TTN: variants seen among roughly 807,000 people sequenced by gnomAD.
TTN encodes the protein connectin.
Under a neutral mutation model 3,223.0 loss-of-function variants are expected in TTN, and 1,525 were observed. The observed-to-expected ratio is 0.47, with a 90% CI of 0.45 to 0.49. The LOEUF is 0.49. Among genes scored for constraint, TTN ranks in the 20% least tolerant of loss-of-function variants. The pLI is 0.00. For synonymous variants in TTN, 14,094 were observed against 15,161.0 expected (o/e 0.93, Z 5.17); for missense variants, 40,786 against 43,424.0 (o/e 0.94, Z 5.40).
chr2:178,575,839 T>C lies in TTN; in HGVS notation c.70293A>G (p.Arg23431=). The C allele has an allele frequency of 2.5e-6, 4 of 1,613,590 alleles. No individual in the cohort carries two copies. The highest frequency in any genetic ancestry group is 3.4e-6 in the Non-Finnish European group (4 of 1,179,624). ...AGKKSGFVNV[R]VLDTPGPVLN... ...GGACTGGGCCTGGCGTGTCCAAGAC[T>C]CTGACGTTCACAAAGCCACTTTTCT... Residue 23431 remains arginine, a synonymous_variant, in exon 326 of 363, where the codon AGA becomes AGG. Transcript: ENST00000589042. The surrounding 1 kb of genome is among the most constrained non-coding windows in gnomAD (Gnocchi z 4.0).
chr2:178,759,725 A>C (rs571599364), intron 43 of TTN, among the ~76,000 whole-genome samples: 113 of 152,372 alleles, frequency 7.4e-4, no homozygotes, highest in African/African-American at 2.5e-3. Flanking sequence ...AAAAGGTTTC[A>C]GTACGCAGTA....
At position 178,617,125 on chromosome 2, in the gene TTN, G is replaced by A. The variant is rs781533540; in HGVS notation, c.47870C>T (p.Ala15957Val). The A allele has an allele frequency of 6.2e-7, 1 of 1,610,032 alleles. No individual in the cohort carries two copies. The highest frequency in any genetic ancestry group is 2.3e-5 in the East Asian group (1 of 44,440). Reference protein sequence around the residue: ...EILGPLTADDAFVEPTMDLSA... With the variant: ...EILGPLTADDVFVEPTMDLSA... ...AAAATAAAATATCTATTTACCAAATGCATCGTCAGCGGTGAGAGGACCAAG... is the reference window on the plus strand; with the variant it reads ...AAAATAAAATATCTATTTACCAAATACATCGTCAGCGGTGAGAGGACCAAG... Residue 15957 changes from alanine (A) to valine (V), a missense_variant, in exon 255 of 363, where the codon GCA becomes GTA. Physicochemically the swap from Ala to Val is moderately conservative, Grantham distance 64 (BLOSUM62 0). Transcript: ENST00000589042.
At chr2:178,686,426 A>AC (rs2070939327) in intron 127 of TTN, among the ~76,000 whole-genome samples, 1 of 47,210 alleles carries the variant, frequency 2.1e-5, no homozygotes, top group Admixed American at 2.3e-4. Flanking sequence ...GGCCAGTTTT[A>AC]ATTTTTTTTA....
Position 178,712,119 on chromosome 2 carries a change from G to C in TTN, c.27711C>G (p.Ser9237=), listed in dbSNP as rs727504749. 1.2e-6 allele frequency: 2 copies of C among 1,613,696 alleles called. No homozygotes were observed. The highest frequency in any genetic ancestry group is 1.7e-6 in the Non-Finnish European group (2 of 1,179,782). ...QLAGTPEIGV[S]WYKGDTKLRP... ...TCAATTTTGTATCTCCTTTATACCAGGATACCCCAATTTCAGGGGTTCCAG... is the reference window on the plus strand; with the variant it reads ...TCAATTTTGTATCTCCTTTATACCACGATACCCCAATTTCAGGGGTTCCAG... The change falls in exon 96 of 363, where the codon TCC becomes TCG. Residue 9237 remains serine (S), a synonymous_variant. Coordinates refer to ENST00000589042, the MANE Select transcript of TTN (RefSeq NM_001267550.2).
rs375061478 is a variant in TTN at position 178,671,131 on chromosome 2, G to T, written c.35267C>A (p.Pro11756Gln). ...ISEKIIPPKK[P>Q]PTKVVPRKEP... Reference sequence around the variant, plus strand: ...TTTTCGAGGAACAACTTTAGTGGGCGGTTTTTTTGGAGGGATGATTTTCTC... The same window carrying T: ...TTTTCGAGGAACAACTTTAGTGGGCTGTTTTTTTGGAGGGATGATTTTCTC... Residue 11756 changes from proline to glutamine, a missense_variant, in exon 156 of 363, where the codon CCG becomes CAG. Pro to Gln is a moderately conservative substitution (Grantham distance 76, BLOSUM62 -1). Coordinates refer to ENST00000589042, the MANE Select transcript of TTN (RefSeq NM_001267550.2). The T allele has an allele frequency of 6.2e-6, 10 of 1,603,350 alleles. No homozygotes were observed. In the East Asian group the frequency reaches 1.8e-4, roughly 29 times the overall value.
chr2:178,620,121 G>C lies in TTN; in HGVS notation c.46305-9C>G. On this transcript the variant is annotated splice_polypyrimidine_tract_variant and intron_variant, in intron 248 of 362. Coordinates refer to ENST00000589042, the MANE Select transcript of TTN (RefSeq NM_001267550.2). ...CTTTTTCAAATTTGTATCTAAAGGA[G>C]ACATTGGATTATCAGTTAGCTTGCA... 6.2e-7 allele frequency: 1 copy of C among 1,606,124 alleles called. No individual in the cohort carries two copies. Among genetic ancestry groups the C allele is most frequent in the Admixed American group, 1.7e-5 (1 of 58,698 alleles).
In TTN at chr2:178,777,780, A is replaced by G. The variant is rs1432023325; in HGVS notation, c.4404T>C (p.Cys1468=). ...VFVLKPVSFK[C]LEGQTARFDL... ...CAAATCTGGCAGTTTGCCCTTCTAAACATTTGAAAGAAACAGGTTTTAACA... is the reference window on the plus strand; with the variant it reads ...CAAATCTGGCAGTTTGCCCTTCTAAGCATTTGAAAGAAACAGGTTTTAACA... The change falls in exon 25 of 363, where the codon TGT becomes TGC. Residue 1468 remains cysteine, a synonymous_variant. Coordinates refer to ENST00000589042, the MANE Select transcript of TTN (RefSeq NM_001267550.2). 1 of 1,614,054 alleles carries G rather than the reference A, an allele frequency of 6.2e-7. No individual in the cohort carries two copies.
intron 114 of TTN, 30 bp from the exon 115 acceptor site, chr2:178,695,440 A>T (rs922855174): frequency 1.3e-6 from 2 of 1,572,430 alleles, no homozygotes; most frequent in Admixed American, 3.3e-5. Context: ...ATAAGAAGGG[A>T]TGCTTAAATA....
chr2:178,698,929 AAAGAAAAAAAAAG>A lies in TTN; in HGVS notation c.30683-28_30683-16del, dbSNP rs764830728. On this transcript the variant is annotated splice_polypyrimidine_tract_variant and intron_variant, in intron 111 of 362. Coordinates refer to ENST00000589042, the MANE Select transcript of TTN (RefSeq NM_001267550.2). ...CTTTTTGGTAACTAAAAAAAAAAAAAAAGAAAAAAAAAGAAAAAATATTTCTGGTGTAAGTAAC... is the reference window on the plus strand; with the variant it reads ...CTTTTTGGTAACTAAAAAAAAAAAAAAAAAAATATTTCTGGTGTAAGTAAC... 1,551 of 1,491,798 alleles carry A rather than the reference AAAGAAAAAAAAAG, an allele frequency of 1.0e-3. 4 individuals are homozygous for A. The highest frequency in any genetic ancestry group is 9.9e-3 in the South Asian group (727 of 73,332). 92.4% of individuals were successfully genotyped at this position (1,491,798 alleles called of 1,614,324 possible).
Position 178,548,505 on chromosome 2 carries a change from G to C in TTN, c.93121C>G (p.Leu31041Val). 1 of 1,613,868 alleles carries C rather than the reference G, an allele frequency of 6.2e-7. No homozygotes were observed. Among genetic ancestry groups the C allele is most frequent in the Non-Finnish European group, 8.5e-7 (1 of 1,179,820 alleles). The change falls in exon 339 of 363, where the codon CTT becomes GTT. Residue 31041 changes from leucine (L) to valine (V), a missense_variant. Transcript: ENST00000589042. The surrounding 1 kb of genome is among the most constrained non-coding windows in gnomAD (Gnocchi z 4.3). ...GSATLMWDAP[L>V]LDGGARIHHY... The stretch of plus-strand genomic sequence containing the variant: ...TGGATTCGGGCACCACCGTCAAGAA[G>C]AGGGGCATCCCACATCAATGTAGCA...
chr2:178,775,948 T>A lies in TTN; in HGVS notation c.5916A>T (p.Glu1972Asp), dbSNP rs748026305. ...TTTTCAACTTCACAACTTCTTTGGT[T>A]TCAGTGGTGTCAACAGGTCTATCCA... Reference protein sequence around the residue: ...QKVDRPVDTTETKEVVKLKRA... With the variant: ...QKVDRPVDTTDTKEVVKLKRA... The change falls in exon 28 of 363, where the codon GAA becomes GAT. Residue 1972 changes from glutamate to aspartate, a missense_variant. Glu to Asp is a conservative substitution (Grantham distance 45). Coordinates refer to ENST00000589042, the MANE Select transcript of TTN (RefSeq NM_001267550.2). The A allele has an allele frequency of 2.5e-6, 4 of 1,614,148 alleles. No individual in the cohort carries two copies. The East Asian group carries it at 8.9e-5, about 36-fold the overall frequency.
At chr2:178,619,495 T>C (rs2057943693) in intron 250 of TTN, 126 bp downstream of exon 250, 1 of 1,225,932 alleles carries the variant, frequency 8.2e-7, no homozygotes, top group Non-Finnish European at 1.1e-6. Flanking sequence ...ATTAGAGTTG[T>C]TAACATGTGG....
intron 96 of TTN, 57 bp from the exon 97 acceptor site, chr2:178,711,406 A>G (rs2076633971): frequency 6.7e-7 from 1 of 1,484,624 alleles, no homozygotes; most frequent in South Asian, 1.4e-5. Context: ...CTCTTCTCAC[A>G]ATTATATATA....
chr2:178,698,709 C>A (rs1369311178), intron 112 of TTN, 134 bp downstream of exon 112: 1 of 811,000 alleles, frequency 1.2e-6, no homozygotes, highest in African/African-American at 1.8e-5. Context: ...AAGACGAGGG[C>A]GAAAGTGAGT....
chr2:178,757,227 A>ATACTGCACTTACTTTAAGTACAGTAAG (rs1553968975), intron 45 of TTN, among the ~76,000 whole-genome samples: 1 of 150,194 alleles, frequency 6.7e-6, no homozygotes, highest in Admixed American at 6.6e-5. Flanking sequence ...ACAGTAAGTA[A>ATACTGCACTTACTTTAAGTACAGTAAG]TAATCAGCAA....
At position 178,554,854 on chromosome 2, in the gene TTN, T is replaced by G; in HGVS notation, c.88594+11A>C. On this transcript the variant is annotated intron_variant, in intron 331 of 362. Coordinates refer to ENST00000589042, the MANE Select transcript of TTN (RefSeq NM_001267550.2). ...AATGTAATATGACAGTGGTCTGTAT[T>G]CAGCACCTACCAAGGATCTGTACTC... 6.2e-7 allele frequency: 1 copy of G among 1,613,846 alleles called. No homozygotes were observed.
chr2:178,608,307 C>T lies in TTN; in HGVS notation c.52576G>A (p.Ala17526Thr), dbSNP rs1313172755. The T allele has an allele frequency of 1.2e-6, 2 of 1,612,304 alleles. No individual in the cohort carries two copies. Among genetic ancestry groups the T allele is most frequent in the South Asian group, 2.2e-5 (2 of 90,968 alleles). ...AAGCCATCTACATTGGCTTTCAAGG[C>T]ATTCAGAAGGCTTTTGTTGACACGA... ...WSRVNKSLLN[A>T]LKANVDGLLE... Residue 17526 changes from alanine to threonine, a missense_variant, in exon 275 of 363, where the codon GCC becomes ACC. By Grantham distance (58) the Ala-to-Thr change is moderately conservative. Transcript: ENST00000589042.
At position 178,562,510 on chromosome 2, in the gene TTN, A is replaced by C. The variant is rs771240950; in HGVS notation, c.83622T>G (p.Asp27874Glu). 11 of 1,612,086 alleles carry C rather than the reference A, an allele frequency of 6.8e-6. No homozygotes were observed. The highest frequency in any genetic ancestry group is 9.3e-6 in the Non-Finnish European group (11 of 1,179,390). The change falls in exon 326 of 363, where the codon GAT (aspartate) becomes GAG (glutamate). Residue 27874 changes from aspartate (D) to glutamate (E), a missense_variant. Asp to Glu is a conservative substitution (Grantham distance 45, BLOSUM62 2). Coordinates refer to ENST00000589042, the MANE Select transcript of TTN (RefSeq NM_001267550.2). Reference protein sequence around the residue: ...PLPPGRVTLVDVTRNTATIKW... With the variant: ...PLPPGRVTLVEVTRNTATIKW... ...TAATTGTAGCTGTATTACGGGTCAC[A>C]TCAACAAGAGTTACTCTTCCAGGTG...
At position 178,561,843 on chromosome 2, in the gene TTN, T is replaced by C; in HGVS notation, c.84289A>G (p.Thr28097Ala). 1 of 1,613,616 alleles carries C rather than the reference T, an allele frequency of 6.2e-7. No homozygotes were observed. Among genetic ancestry groups the C allele is most frequent in the Non-Finnish European group, 8.5e-7 (1 of 1,179,736 alleles). Residue 28097 changes from threonine (T) to alanine (A), a missense_variant, in exon 326 of 363, where the codon ACC (threonine) becomes GCC (alanine). By Grantham distance (58) the Thr-to-Ala change is moderately conservative. Coordinates refer to ENST00000589042, the MANE Select transcript of TTN (RefSeq NM_001267550.2). ...ACTATGTGCCATGTTGTAGAGGTGGTTTCTTTCTTTTCAACAATGTAATTG... is the reference window on the plus strand; with the variant it reads ...ACTATGTGCCATGTTGTAGAGGTGGCTTCTTTCTTTTCAACAATGTAATTG... ...ISNYIVEKKE[T>A]TSTTWHIVSQ...
Sources: allele counts gnomAD v4.1 joint callset (sites outside exome capture counted in the v4.1 genomes callset), GRCh38; gene constraint gnomAD v4.1.1; non-coding constraint Gnocchi (gnomAD v3.1); transcripts MANE v1.5; gene names NCBI Gene and HGNC (gene_info 2026-07-23, HGNC 2026-07-21).